The following CHRDL1 variants were observed in gnomAD, a reference collection of about 807,000 sequenced individuals.
CHRDL1 encodes chordin like 1.
CHRDL1 carries 19 observed loss-of-function variants against 40.9 expected under a neutral mutation model. The observed-to-expected ratio is 0.46, with a 90% confidence interval of 0.32 to 0.68. The LOEUF is 0.68. Ranked by LOEUF, CHRDL1 falls within the 30% of genes least tolerant of loss-of-function variation. The probability of loss-of-function intolerance (pLI) is 0.03; values close to 1 mark genes in which losing one functional copy is unlikely to be tolerated. For synonymous variants in CHRDL1, 136 were observed against 123.4 expected (o/e 1.10, Z -0.68); for missense variants, 329 against 352.1 (o/e 0.93, Z 0.53).
At chrX:110,682,276 G>A (rs908089253) in intron 9 of CHRDL1, among the ~76,000 whole-genome samples, 1 of 112,279 alleles carries the variant, frequency 8.9e-6, no homozygotes, top group African/African-American at 3.2e-5. Flanking sequence ...AAATCTAGAT[G>A]TCAGATTAGC....
rs181682274 is a variant in CHRDL1, at chrX:110,709,850, C to G, written c.542-9129G>C. On this transcript the variant is annotated intron_variant, in intron 6 of 11. Coordinates refer to ENST00000372042, the MANE Select transcript of CHRDL1 (RefSeq NM_001143981.2). ...GGAAACCCCGTCTCTACTAAAAATA[C>G]AAAAGTTAGCCAGATGTGGTGAGCG... 2.3e-4 allele frequency among the ~76,000 whole-genome samples: 26 copies of G among 111,163 alleles called. 1 individual carries two copies. The East Asian group carries it at 7.1e-3, about 30-fold the overall frequency.
chrX:110,686,253 G>A (rs1350373743), intron 9 of CHRDL1, among the ~76,000 whole-genome samples: 1 of 111,054 alleles, frequency 9.0e-6, no homozygotes, highest in African/African-American at 3.3e-5. Flanking sequence ...TAAAAGCAAT[G>A]ACTGTTGTTT....
At chrX:110,764,975 T>C (rs189155661) in intron 2 of CHRDL1, among the ~76,000 whole-genome samples, 64 of 111,802 alleles carry the variant, frequency 5.7e-4, no homozygotes, top group African/African-American at 2.0e-3. Flanking sequence ...AAGATGTTTA[T>C]CAAGACAATA....
At chrX:110,682,438 C>T (rs1292817424) in intron 9 of CHRDL1, among the ~76,000 whole-genome samples, 1 of 112,368 alleles carries the variant, frequency 8.9e-6, no homozygotes, top group Non-Finnish European at 1.9e-5. Flanking sequence ...ACCCTCCCTC[C>T]TCTTTCCTCA....
intron 2 of CHRDL1, among the ~76,000 whole-genome samples, chrX:110,789,896 TAAC>T (rs1243450297): frequency 8.9e-6 from 1 of 111,870 alleles, no homozygotes. Context: ...AAAAATAAGT[TAAC>T]AAGCATTTCC....
At chrX:110,695,821 G>A (rs2070375166) in intron 7 of CHRDL1, among the ~76,000 whole-genome samples, 1 of 112,227 alleles carries the variant, frequency 8.9e-6, no homozygotes, top group Admixed American at 9.4e-5. Context: ...GAAAGGGAGA[G>A]TAAACAGGAG....
At chrX:110,765,249 G>A (rs1184386107) in intron 2 of CHRDL1, among the ~76,000 whole-genome samples, 1 of 111,548 alleles carries the variant, frequency 9.0e-6, no homozygotes, top group Non-Finnish European at 1.9e-5. Flanking sequence ...CTACCGATAT[G>A]TGATTTCACC....
chrX:110,679,245 A>G lies in CHRDL1; in HGVS notation c.1246+91T>C. On this transcript the variant is annotated intron_variant, in intron 11 of 11. Coordinates refer to ENST00000372042, the MANE Select transcript of CHRDL1 (RefSeq NM_001143981.2). ...TTGATACTGAGCAGTGCTAATGTTC[A>G]CTGAGATTGCGGAGGGACTTTAGCT... 2 of 622,068 alleles carry G rather than the reference A, an allele frequency of 3.2e-6. 1 individual carries two copies. Among genetic ancestry groups the G allele is most frequent in the South Asian group, 4.8e-5 (2 of 41,940 alleles). 51.3% of individuals were successfully genotyped at this position (622,068 alleles called of 1,213,427 possible). A position where few individuals can be genotyped will look rare whatever the true frequency, so the allele number is the denominator to read the frequency against.
intron 8 of CHRDL1, among the ~76,000 whole-genome samples, chrX:110,691,233 A>G (rs755973180): frequency 9.6e-6 from 1 of 104,522 alleles, no homozygotes; most frequent in Non-Finnish European, 2.0e-5. Flanking sequence ...CCCACCCAAA[A>G]AAGGAGCAAG....
At chrX:110,761,556 G>A (rs2089563660) in intron 3 of CHRDL1, among the ~76,000 whole-genome samples, 1 of 111,725 alleles carries the variant, frequency 9.0e-6, no homozygotes, top group African/African-American at 3.3e-5. Flanking sequence ...TCTACCAGGG[G>A]TGATTTTTGC....
chrX:110,754,828 T>C (rs149185510), intron 4 of CHRDL1, among the ~76,000 whole-genome samples: 2,344 of 110,768 alleles, frequency 0.021, 66 homozygotes, highest in African/African-American at 0.072. Context: ...AATTTATTAA[T>C]TCTGAATAGC....
Position 110,688,585 on chromosome X carries a change from C to T in CHRDL1, c.988+9G>A, listed in dbSNP as rs1398416552. On this transcript the variant is annotated intron_variant, in intron 9 of 11. Coordinates refer to ENST00000372042, the MANE Select transcript of CHRDL1 (RefSeq NM_001143981.2). ...AGTCAACCAAAAGCAGGGCCTCCAA[C>T]CAACGCACCTTTTGCTTTTTTACCT... 2 of 1,197,038 alleles carry T rather than the reference C, an allele frequency of 1.7e-6. No individual in the cohort carries two copies. The highest frequency in any genetic ancestry group is 5.9e-5 in the East Asian group (2 of 33,800).
chrX:110,678,268 C>G (rs141705968), intron 11 of CHRDL1, among the ~76,000 whole-genome samples: 1 of 111,489 alleles, frequency 9.0e-6, no homozygotes, highest in South Asian at 3.8e-4. Flanking sequence ...ATCTGATAGC[C>G]GAAAGACATC....
intron 4 of CHRDL1, among the ~76,000 whole-genome samples, chrX:110,759,253 G>C (rs1263922394): frequency 9.0e-6 from 1 of 111,696 alleles, no homozygotes; most frequent in East Asian, 2.8e-4. Flanking sequence ...TTTATGAATG[G>C]CCCCCTCATA....
Position 110,767,598 on chromosome X carries a change from CAATAAAATAAAATAAAATAA to C in CHRDL1, c.95-4811_95-4792del, listed in dbSNP as rs66986770. ...AACTCAACCCCTTTTACAAAGGATGCAATAAAATAAAATAAAATAAAATAAAATAAAATAAAATAAAATAA... is the reference window on the plus strand; with the variant it reads ...AACTCAACCCCTTTTACAAAGGATGCAATAAAATAAAATAAAATAAAATAA... On this transcript the variant is annotated intron_variant, in intron 2 of 11. Coordinates refer to ENST00000372042, the MANE Select transcript of CHRDL1 (RefSeq NM_001143981.2). 8.6e-3 allele frequency among the ~76,000 whole-genome samples: 716 copies of C among 83,086 alleles called. 5 individuals are homozygous for C. The highest frequency in any genetic ancestry group is 0.028 in the African/African-American group (646 of 23,410). The allele number at this position is 83,086 out of a possible 115,157, so 72.2% of individuals were successfully genotyped here.
intron 6 of CHRDL1, among the ~76,000 whole-genome samples, chrX:110,719,598 C>T (rs1008742795): frequency 4.6e-5 from 5 of 109,451 alleles, no homozygotes; most frequent in African/African-American, 1.7e-4. Context: ...GACTCTTTCC[C>T]ATCCTCCCCT....
rs143072126 is a variant in CHRDL1 at position 110,723,981 on chromosome X, C to T, written c.302-2451G>A. Among the ~76,000 whole-genome samples, 453 of 112,317 alleles carry T rather than the reference C, an allele frequency of 4.0e-3. 1 individual carries two copies. The highest frequency in any genetic ancestry group is 0.014 in the African/African-American group (439 of 30,912). On this transcript the variant is annotated intron_variant, in intron 4 of 11. Coordinates refer to ENST00000372042, the MANE Select transcript of CHRDL1 (RefSeq NM_001143981.2). Reference sequence around the variant, plus strand: ...TCTGTCTGGGCTAAGAGGCCCTGCCCCTGCCCACAAGCGTATACAATCAGA... The same window carrying T: ...TCTGTCTGGGCTAAGAGGCCCTGCCTCTGCCCACAAGCGTATACAATCAGA...
In CHRDL1 at chrX:110,688,746, C is replaced by T. The variant is rs771661178; in HGVS notation, c.836G>A (p.Arg279Gln). The change falls in exon 9 of 12, where the codon CGG (arginine) becomes CAG (glutamine). Residue 279 changes from arginine to glutamine, a missense_variant. Arg to Gln is a conservative substitution (Grantham distance 43). Coordinates refer to ENST00000372042, the MANE Select transcript of CHRDL1 (RefSeq NM_001143981.2). ...SHGESWHPNL[R>Q]AFGIVECVLC... ...CACACACTCCACAATGCCAAATGCC[C>T]GGAGGTTTGGGTGCCAGGACTCGCC... 9.1e-5 allele frequency: 110 copies of T among 1,207,230 alleles called. 1 individual carries two copies. The Admixed American group carries it at 1.5e-3, about 16-fold the overall frequency.
intron 2 of CHRDL1, among the ~76,000 whole-genome samples, chrX:110,763,191 T>C (rs2089596060): frequency 9.0e-6 from 1 of 110,789 alleles, no homozygotes; most frequent in Non-Finnish European, 1.9e-5. Context: ...GTAAGTTCTT[T>C]AGTGGTGATT....
Sources: gnomAD v4.1 joint callset for allele counts (sites outside exome capture counted in the v4.1 genomes callset) on GRCh38, gnomAD v4.1.1 for gene constraint, MANE v1.5 for transcripts, NCBI Gene and HGNC (gene_info 2026-07-23, HGNC 2026-07-21) for gene names.